Variants in RNGTT observed in about 807,000 individuals in gnomAD.
RNGTT encodes the protein RNA guanylyltransferase and 5'-phosphatase.
RNGTT carries 33 observed loss-of-function variants against 79.3 expected under a neutral mutation model. The ratio of observed to expected loss-of-function variants is 0.42; its 90% CI spans 0.32 to 0.56. The LOEUF (loss-of-function observed/expected upper bound fraction) is 0.56, where lower values mean the gene tolerates loss of function less well. Among genes scored for constraint, RNGTT ranks in the 20% least tolerant of loss-of-function variants. The pLI, the probability that RNGTT is intolerant of heterozygous loss-of-function variation, is 0.17. For missense variants in RNGTT, 497 were observed against 739.1 expected, an observed-to-expected ratio of 0.67 and a Z score of 3.80; for synonymous variants, 222 against 235.9, an observed-to-expected ratio of 0.94 and a Z score of 0.54.
intron 12 of RNGTT, among the ~76,000 whole-genome samples, chr6:88,797,066 A>G (rs1779624617): frequency 6.6e-6 from 1 of 152,194 alleles, no homozygotes; most frequent in South Asian, 2.1e-4. Flanking sequence ...AGGCACTCCA[A>G]TTAAACTCCT....
intron 13 of RNGTT, among the ~76,000 whole-genome samples, chr6:88,708,593 G>A (rs770998747): frequency 2.6e-5 from 4 of 152,042 alleles, no homozygotes; most frequent in African/African-American, 4.8e-5. Context: ...TAGTCCCTTA[G>A]TGCTGGTGCT....
chr6:88,869,740 G>A (rs1204765097), intron 8 of RNGTT, among the ~76,000 whole-genome samples: 3 of 152,116 alleles, frequency 2.0e-5, no homozygotes, highest in Non-Finnish European at 4.4e-5. Context: ...TAATACTACT[G>A]AGACTATAAA....
At chr6:88,825,572 A>T (rs1249729380) in intron 11 of RNGTT, among the ~76,000 whole-genome samples, 1 of 152,224 alleles carries the variant, frequency 6.6e-6, no homozygotes, top group African/African-American at 2.4e-5. Context: ...ATCAGTGTGT[A>T]TATGTTTGAC....
chr6:88,721,789 C>A (rs6915642), intron 13 of RNGTT, among the ~76,000 whole-genome samples: 40,711 of 151,912 alleles, frequency 0.27, 9,552 homozygotes, highest in African/African-American at 0.64. Flanking sequence ...TCTGCCTGGA[C>A]ATACCTTCCT....
Position 88,662,613 on chromosome 6 carries a change from G to T in RNGTT, c.1506+15740C>A, listed in dbSNP as rs765715492. ...CTACATTTCTTGGTTCCCTGACCTG[G>T]AAGCGAGGTGATTAGTGGACAGTTG... On this transcript the variant is annotated intron_variant, in intron 14 of 15. Coordinates refer to ENST00000369485, the MANE Select transcript of RNGTT (RefSeq NM_003800.5). Among the ~76,000 whole-genome samples, 21 of 152,336 alleles carry T rather than the reference G, an allele frequency of 1.4e-4. 1 individual carries two copies. Among genetic ancestry groups the T allele is most frequent in the Admixed American group, 6.5e-4 (10 of 15,310 alleles).
At chr6:88,826,932 C>T (rs1780687282) in intron 11 of RNGTT, among the ~76,000 whole-genome samples, 1 of 149,566 alleles carries the variant, frequency 6.7e-6, no homozygotes, top group Non-Finnish European at 1.5e-5. Flanking sequence ...ATCATTTCAA[C>T]AATGACCAAC....
rs1016040805 is a variant in RNGTT, at chr6:88,611,797, G to A, written c.*922C>T. Reference sequence around the variant, plus strand: ...TGGCATTCCCTTTGCTGTTTTGTTCGAGAGAAGGAACACAACATCGTTTGT... The same window carrying A: ...TGGCATTCCCTTTGCTGTTTTGTTCAAGAGAAGGAACACAACATCGTTTGT... On this transcript the variant is annotated 3_prime_UTR_variant, in exon 16 of 16. Transcript: ENST00000369485. 5.2e-5 allele frequency: 8 copies of A among 152,700 alleles called. No individual in the cohort carries two copies. The highest frequency in any genetic ancestry group is 3.4e-3 in the Middle Eastern group (1 of 294). 9.5% of individuals were successfully genotyped at this position (152,700 alleles called of 1,614,324 possible).
intron 4 of RNGTT, among the ~76,000 whole-genome samples, chr6:88,911,033 C>T (rs1229051324): frequency 6.6e-6 from 1 of 152,120 alleles, no homozygotes; most frequent in African/African-American, 2.4e-5. Flanking sequence ...CAAAAATACA[C>T]GTAAGTACAC....
intron 12 of RNGTT, among the ~76,000 whole-genome samples, chr6:88,787,114 T>G (rs1204764142): frequency 6.6e-6 from 1 of 152,064 alleles, no homozygotes; most frequent in Non-Finnish European, 1.5e-5. Flanking sequence ...CACCCCAAAC[T>G]GACTAATTGA....
intron 6 of RNGTT, among the ~76,000 whole-genome samples, chr6:88,898,873 A>C (rs927022870): frequency 9.9e-5 from 15 of 151,402 alleles, no homozygotes; most frequent in Non-Finnish European, 1.6e-4. Context: ...AAAAAAAAAA[A>C]AACTCATCTT....
Position 88,817,749 on chromosome 6 carries a change from A to ATTTTT in RNGTT, c.1270-16122_1270-16118dup, listed in dbSNP as rs71554802. ...TTCACCATCCAAGTCTATTCACATC[A>ATTTTT]TTTTTTTTTTTTTTTTTTTTTTTTT... On this transcript the variant is annotated intron_variant, in intron 11 of 15. Coordinates refer to ENST00000369485, the MANE Select transcript of RNGTT (RefSeq NM_003800.5). 3.5e-3 allele frequency among the ~76,000 whole-genome samples: 247 copies of ATTTTT among 71,572 alleles called. 44 individuals carry two copies. The highest frequency in any genetic ancestry group is 0.022 in the Middle Eastern group (2 of 90). 47.0% of individuals were successfully genotyped at this position (71,572 alleles called of 152,430 possible). A position where few individuals can be genotyped will look rare whatever the true frequency, so the allele number is the denominator to read the frequency against.
At chr6:88,667,056 A>G (rs1384335941) in intron 14 of RNGTT, among the ~76,000 whole-genome samples, 1 of 152,210 alleles carries the variant, frequency 6.6e-6, no homozygotes, top group East Asian at 1.9e-4. Context: ...TGTAAAGGAC[A>G]TCAGTGAGTC....
chr6:88,797,624 T>C (rs1284231097), intron 12 of RNGTT, among the ~76,000 whole-genome samples: 4 of 151,998 alleles, frequency 2.6e-5, no homozygotes, highest in African/African-American at 9.7e-5. Context: ...GAAATATTAA[T>C]AATTATAATA....
At chr6:88,723,423 C>G (rs1050130048) in intron 13 of RNGTT, among the ~76,000 whole-genome samples, 3 of 152,174 alleles carry the variant, frequency 2.0e-5, no homozygotes, top group Non-Finnish European at 4.4e-5. Context: ...TCTACAGCCC[C>G]TGCCTCTTTG....
At chr6:88,873,309 A>G (rs1425902019) in intron 8 of RNGTT, among the ~76,000 whole-genome samples, 2 of 152,218 alleles carry the variant, frequency 1.3e-5, no homozygotes, top group Non-Finnish European at 2.9e-5. Flanking sequence ...AGGAAGAGAA[A>G]GATAACTTTA....
intron 4 of RNGTT, among the ~76,000 whole-genome samples, chr6:88,926,442 A>G (rs1784321660): frequency 6.6e-6 from 1 of 152,244 alleles, no homozygotes; most frequent in South Asian, 2.1e-4. Context: ...ATTAATTTCA[A>G]AGTAATTCTG....
intron 8 of RNGTT, among the ~76,000 whole-genome samples, chr6:88,880,921 T>C: frequency 6.6e-6 from 1 of 152,152 alleles, no homozygotes; most frequent in Non-Finnish European, 1.5e-5. Flanking sequence ...AAATTCTATC[T>C]TTTCCCAGAA....
At chr6:88,744,848 G>A (rs1777612768) in intron 13 of RNGTT, among the ~76,000 whole-genome samples, 1 of 152,144 alleles carries the variant, frequency 6.6e-6, no homozygotes, top group African/African-American at 2.4e-5. Flanking sequence ...TATTTGGGAA[G>A]TTAACGAAAC....
At chr6:88,960,632 G>C (rs1240415042) in intron 1 of RNGTT, among the ~76,000 whole-genome samples, 1 of 152,136 alleles carries the variant, frequency 6.6e-6, no homozygotes, top group African/African-American at 2.4e-5. Context: ...GAAATTATAA[G>C]TTTGTTTTCT....
Sources: gnomAD v4.1 joint callset for allele counts (sites outside exome capture counted in the v4.1 genomes callset) on GRCh38, gnomAD v4.1.1 for gene constraint, MANE v1.5 for transcripts, NCBI Gene and HGNC (gene_info 2026-07-23, HGNC 2026-07-21) for gene names.